The following ANKRD12 variants were observed in gnomAD, a reference collection of about 807,000 sequenced individuals.
The protein encoded by ANKRD12 is ankyrin repeat domain-containing protein 12.
ANKRD12 carries 85 observed loss-of-function variants against 183.4 expected under a neutral mutation model. The observed-to-expected ratio is 0.46, with a 90% CI of 0.39 to 0.56. ANKRD12 has a LOEUF of 0.56. ANKRD12 is among the 20% of genes least tolerant of loss of function. The probability of loss-of-function intolerance (pLI) is 0.00; values close to 1 mark genes in which losing one functional copy is unlikely to be tolerated. For missense variants in ANKRD12, 2,405 were observed against 2,357.1 expected (o/e 1.02, Z -0.42); for synonymous variants, 914 against 800.2 (o/e 1.14, Z -2.40).
At chr18:9,172,480 C>T (rs2032835791) in intron 1 of ANKRD12, among the ~76,000 whole-genome samples, 1 of 152,100 alleles carries the variant, frequency 6.6e-6, no homozygotes, top group Non-Finnish European at 1.5e-5. Flanking sequence ...AGTTTTCAAG[C>T]CCTGAGATTC....
Position 9,275,623 on chromosome 18 carries a change from GT to G in ANKRD12, c.5867del (p.Leu1956CysfsTer22). ...AACACTGCCATTTAGTGCTTGTACTGTTTTGCTGGATGCCGAAGTATACAAT... is the reference window on the plus strand; with the variant it reads ...AACACTGCCATTTAGTGCTTGTACTGTTTGCTGGATGCCGAAGTATACAAT... ...NQTLPFSACT[V>X]LLDAEVYNVP... On this transcript the variant is annotated frameshift_variant, in exon 11 of 13. Coordinates refer to ENST00000262126, the MANE Select transcript of ANKRD12 (RefSeq NM_015208.5). LOFTEE classifies it high-confidence loss of function. 1 of 1,606,562 alleles carries G rather than the reference GT, an allele frequency of 6.2e-7. No homozygotes were observed. The highest frequency in any genetic ancestry group is 8.5e-7 in the Non-Finnish European group (1 of 1,174,474).
rs1174450924 is a variant in ANKRD12, at chr18:9,268,141, A to T, written c.5763+4253A>T. ...GCAATAATTAATAGCTTACCAACGA[A>T]AAAAAGTCCAGGACCAGATGGATTC... On this transcript the variant is annotated intron_variant, in intron 10 of 12. Coordinates refer to ENST00000262126, the MANE Select transcript of ANKRD12 (RefSeq NM_015208.5). 2.6e-5 allele frequency among the ~76,000 whole-genome samples: 4 copies of T among 152,300 alleles called. No individual in the cohort carries two copies. In the East Asian group the frequency reaches 5.8e-4, roughly 22 times the overall value.
chr18:9,245,365 C>T (rs1281941616), intron 8 of ANKRD12, among the ~76,000 whole-genome samples: 4 of 151,820 alleles, frequency 2.6e-5, no homozygotes, highest in Non-Finnish European at 4.4e-5. Context: ...GTGGGAGAAT[C>T]ACTTGAGCCC....
At chr18:9,159,815 A>G (rs577445791) in intron 1 of ANKRD12, among the ~76,000 whole-genome samples, 19 of 131,096 alleles carry the variant, frequency 1.4e-4, no homozygotes, top group Admixed American at 3.0e-4. Context: ...TTTTTTTTTT[A>G]ATTATTTGAG....
At chr18:9,229,984 A>G (rs777701835) in intron 8 of ANKRD12, among the ~76,000 whole-genome samples, 7 of 152,036 alleles carry the variant, frequency 4.6e-5, no homozygotes, top group Non-Finnish European at 8.8e-5. Context: ...GGCTTTGTAG[A>G]ATGGGTTAGG....
intron 1 of ANKRD12, among the ~76,000 whole-genome samples, chr18:9,163,608 A>G (rs937762917): frequency 2.0e-5 from 3 of 152,164 alleles, no homozygotes; most frequent in South Asian, 2.1e-4. Flanking sequence ...CATTGAATCT[A>G]TAAATTACTT....
chr18:9,163,047 T>C (rs1234558801), intron 1 of ANKRD12, among the ~76,000 whole-genome samples: 2 of 152,198 alleles, frequency 1.3e-5, no homozygotes, highest in Non-Finnish European at 2.9e-5. Flanking sequence ...TTAGTTTAAT[T>C]AGATCCCATT....
chr18:9,274,310 A>G (rs1568005760), intron 10 of ANKRD12, among the ~76,000 whole-genome samples: 1 of 152,256 alleles, frequency 6.6e-6, no homozygotes, highest in Non-Finnish European at 1.5e-5. Context: ...TCAACTGATG[A>G]ATAAATAAAA....
rs1598402475 is a variant in ANKRD12, at chr18:9,153,765, G to C, written c.-52+16800G>C. On this transcript the variant is annotated intron_variant, in intron 1 of 12. Coordinates refer to ENST00000262126, the MANE Select transcript of ANKRD12 (RefSeq NM_015208.5). ...ATTTTGTCACTTCTAGTTTCTGTAT[G>C]TCTCTTAACTTTTAATATTTTGTTT... 2.6e-5 allele frequency among the ~76,000 whole-genome samples: 4 copies of C among 151,976 alleles called. No individual in the cohort carries two copies. The South Asian group carries it at 8.3e-4, about 32-fold the overall frequency.
At chr18:9,250,070 T>C (rs961938798) in intron 8 of ANKRD12, 3 of 152,182 alleles carry the variant, frequency 2.0e-5, no homozygotes, top group African/African-American at 4.8e-5. Flanking sequence ...CCAAATATTA[T>C]TTGCTCAGCT....
rs1266585717 is a variant in ANKRD12 at position 9,257,953 on chromosome 18, A to C, written c.4686A>C (p.Pro1562=). The change falls in exon 9 of 13, where the codon CCA becomes CCC. Residue 1562 remains proline, a synonymous_variant. Transcript: ENST00000262126. The part of the protein sequence containing the change: ...GDVQKTDAFV[P]VYSDSTIQEA... Reference sequence around the variant, plus strand: ...TTCAAAAAACAGATGCCTTTGTCCCAGTGTACTCTGACAGCACTATTCAAG... The same window carrying C: ...TTCAAAAAACAGATGCCTTTGTCCCCGTGTACTCTGACAGCACTATTCAAG... 2 of 1,614,014 alleles carry C rather than the reference A, an allele frequency of 1.2e-6. No individual in the cohort carries two copies.
chr18:9,149,614 TATTTTACCTAG>T (rs1350962666), intron 1 of ANKRD12, among the ~76,000 whole-genome samples: 1 of 152,104 alleles, frequency 6.6e-6, no homozygotes, highest in Non-Finnish European at 1.5e-5. Context: ...CCTTCTAATG[TATTTTACCTAG>T]ATTTGGCTAG....
chr18:9,166,535 G>T (rs1026221956), intron 1 of ANKRD12, among the ~76,000 whole-genome samples: 7 of 150,174 alleles, frequency 4.7e-5, no homozygotes, highest in African/African-American at 1.7e-4. Flanking sequence ...AGAAGTGTCT[G>T]TTCATATCCT....
rs2145524308 is a variant in ANKRD12 at position 9,282,554 on chromosome 18, T to TA, written c.*1429dup. 6.5e-6 allele frequency: 1 copy of TA among 152,686 alleles called. No individual in the cohort carries two copies. The highest frequency in any genetic ancestry group is 2.1e-4 in the South Asian group (1 of 4,832). 9.5% of individuals were successfully genotyped at this position (152,686 alleles called of 1,614,324 possible). On this transcript the variant is annotated 3_prime_UTR_variant, in exon 13 of 13. Coordinates refer to ENST00000262126, the MANE Select transcript of ANKRD12 (RefSeq NM_015208.5). Reference sequence around the variant, plus strand: ...GTCTGAAATCTGCTGCTGAACTTGTTAGACATTTTTGAAAGGAAAATTAGG... The same window carrying TA: ...GTCTGAAATCTGCTGCTGAACTTGTTAAGACATTTTTGAAAGGAAAATTAGG...
chr18:9,178,129 A>G (rs1055137323), intron 1 of ANKRD12, among the ~76,000 whole-genome samples: 1 of 152,216 alleles, frequency 6.6e-6, no homozygotes, highest in Non-Finnish European at 1.5e-5. Context: ...GTTTTTGTGA[A>G]GTCTAATTTA....
intron 1 of ANKRD12, among the ~76,000 whole-genome samples, chr18:9,168,729 C>G (rs928306544): frequency 4.7e-4 from 72 of 152,226 alleles, no homozygotes; most frequent in Middle Eastern, 3.4e-3. Context: ...TTCAGTTCTG[C>G]TCTGATCTTA....
At chr18:9,264,967 C>G (rs1218228595) in intron 10 of ANKRD12, among the ~76,000 whole-genome samples, 1 of 152,236 alleles carries the variant, frequency 6.6e-6, no homozygotes, top group Admixed American at 6.5e-5. Flanking sequence ...AACGGCATAC[C>G]AGGAGATTAT....
intron 1 of ANKRD12, among the ~76,000 whole-genome samples, chr18:9,181,144 GT>G (rs1411418501): frequency 2.6e-5 from 4 of 152,064 alleles, no homozygotes; most frequent in African/African-American, 9.7e-5. Flanking sequence ...CTTCAAATTT[GT>G]TTCCTCCTCT....
At chr18:9,240,974 G>C (rs138906907) in intron 8 of ANKRD12, among the ~76,000 whole-genome samples, 183 of 152,054 alleles carry the variant, frequency 1.2e-3, no homozygotes, top group African/African-American at 4.1e-3. Flanking sequence ...TATATTTCAG[G>C]AACTATGAAA....
Sources: allele counts gnomAD v4.1 joint callset (sites outside exome capture counted in the v4.1 genomes callset), GRCh38; gene constraint gnomAD v4.1.1; transcripts MANE v1.5; gene names NCBI Gene and HGNC (gene_info 2026-07-23, HGNC 2026-07-21).